GLCCI1: variants seen among roughly 807,000 people sequenced by gnomAD.
GLCCI1 encodes glucocorticoid induced 1.
In GLCCI1, 24 loss-of-function variants were observed where a neutral mutation model predicts 52.2. That is an observed-to-expected ratio of 0.46 (90% CI 0.33 to 0.65). GLCCI1 has a LOEUF of 0.65. Among genes scored for constraint, GLCCI1 ranks in the 30% least tolerant of loss-of-function variants. The pLI is 0.02. For missense variants in GLCCI1, 704 were observed against 701.5 expected (o/e 1.00, Z -0.04); for synonymous variants, 310 against 276.5 (o/e 1.12, Z -1.20).
At chr7:7,975,512 T>C (rs1430497933) in intron 1 of GLCCI1, among the ~76,000 whole-genome samples, 1 of 152,218 alleles carries the variant, frequency 6.6e-6, no homozygotes, top group East Asian at 1.9e-4. Context: ...GTTCATTCCA[T>C]AAGACTATGC....
chr7:8,029,178 A>G (rs1240930523), intron 3 of GLCCI1, among the ~76,000 whole-genome samples: 1 of 152,198 alleles, frequency 6.6e-6, no homozygotes, highest in Non-Finnish European at 1.5e-5. Context: ...AATTTATCTG[A>G]TGAATATGGA....
At chr7:7,982,244 G>T in intron 1 of GLCCI1, 1 of 235,330 alleles carries the variant, frequency 4.2e-6, no homozygotes, top group Non-Finnish European at 8.7e-6. Context: ...AGATGAAGAG[G>T]CAGAATTGAG....
intron 1 of GLCCI1, among the ~76,000 whole-genome samples, chr7:7,987,587 G>A (rs1780760412): frequency 6.6e-6 from 1 of 152,004 alleles, no homozygotes; most frequent in African/African-American, 2.4e-5. Context: ...TGAGTTGACA[G>A]TCATTTATTG....
At chr7:8,024,493 C>T (rs1036700602) in intron 3 of GLCCI1, among the ~76,000 whole-genome samples, 31 of 152,188 alleles carry the variant, frequency 2.0e-4, no homozygotes, top group Admixed American at 1.4e-3. Flanking sequence ...GAGTTATCAA[C>T]GAGATTTAGG....
Position 8,086,531 on chromosome 7 carries a change from T to G in GLCCI1, c.1637T>G (p.Ile546Ser), listed in dbSNP as rs770556193. ...CACATCTCTGCTCAGAACTATGTGA[T>G]CATCTAAAAAAGGGGGAGCTGGCCT... is the stretch of plus-strand genomic sequence containing the variant. ...EDHISAQNYV[I>S]I The change falls in exon 8 of 8, where the codon ATC becomes AGC. Residue 546 changes from isoleucine to serine, a missense_variant. Physicochemically the swap from Ile to Ser is moderately radical, Grantham distance 142. Transcript: ENST00000223145. This position sits in a 1 kb window ranked among gnomAD's most constrained non-coding sequence, Gnocchi z 4.4. 6.3e-7 allele frequency: 1 copy of G among 1,580,436 alleles called. No individual in the cohort carries two copies. The highest frequency in any genetic ancestry group is 2.2e-5 in the East Asian group (1 of 44,570).
intron 1 of GLCCI1, among the ~76,000 whole-genome samples, chr7:7,973,409 TGTGC>T (rs563751287): frequency 7.6e-6 from 1 of 131,196 alleles, no homozygotes; most frequent in African/African-American, 3.4e-5. Context: ...CAAATCTTTG[TGTGC>T]GTGTGTGTGT....
intron 1 of GLCCI1, among the ~76,000 whole-genome samples, chr7:7,986,400 C>T (rs1163239309): frequency 6.6e-6 from 1 of 151,874 alleles, no homozygotes; most frequent in Non-Finnish European, 1.5e-5. Flanking sequence ...TGGCAGGCAC[C>T]TGTAGTCCCA....
At chr7:8,017,651 A>G (rs1266052914) in intron 2 of GLCCI1, among the ~76,000 whole-genome samples, 1 of 152,162 alleles carries the variant, frequency 6.6e-6, no homozygotes, top group African/African-American at 2.4e-5. Flanking sequence ...AAAAAATTTG[A>G]ATATGTAAGT....
chr7:7,995,986 C>T (rs1780930667), intron 1 of GLCCI1, among the ~76,000 whole-genome samples: 2 of 151,648 alleles, frequency 1.3e-5, no homozygotes, highest in African/African-American at 2.4e-5. Flanking sequence ...TGTTGTTGTG[C>T]TCTTGTTAAA....
chr7:7,997,133 A>G (rs1780952592), intron 1 of GLCCI1, among the ~76,000 whole-genome samples: 1 of 152,188 alleles, frequency 6.6e-6, no homozygotes, highest in Non-Finnish European at 1.5e-5. Flanking sequence ...ATAAATATTA[A>G]TGTACATTAG....
rs751659031 is a variant in GLCCI1 at position 8,070,969 on chromosome 7, C to G, written c.1015C>G (p.Arg339Gly). The change falls in exon 6 of 8, where the codon CGG (arginine) becomes GGG (glycine). Residue 339 changes from arginine to glycine, a missense_variant. Arg to Gly is a moderately radical substitution (Grantham distance 125). Coordinates refer to ENST00000223145, the MANE Select transcript of GLCCI1 (RefSeq NM_138426.4). Reference protein sequence around the residue: ...GRRAPLPAHYRSSSTRSIDTQ... With the variant: ...GRRAPLPAHYGSSSTRSIDTQ... ...AAGAGCTCCACTTCCTGCTCATTACCGGAGCAGTAGTACTCGCAGCATTGA... is the reference window on the plus strand; with the variant it reads ...AAGAGCTCCACTTCCTGCTCATTACGGGAGCAGTAGTACTCGCAGCATTGA... 4 of 1,614,014 alleles carry G rather than the reference C, an allele frequency of 2.5e-6. No homozygotes were observed. The highest frequency in any genetic ancestry group is 1.1e-5 in the South Asian group (1 of 91,086).
chr7:8,032,966 A>G (rs1191640191), intron 3 of GLCCI1, among the ~76,000 whole-genome samples: 1 of 151,960 alleles, frequency 6.6e-6, no homozygotes, highest in South Asian at 2.1e-4. Flanking sequence ...ATAAAACAAG[A>G]TGAATATCCA....
rs575460633 is a variant in GLCCI1 at position 7,968,980 on chromosome 7, TGAG to T, written c.-367_-365del. The T allele has an allele frequency of 9.0e-5, 14 of 155,594 alleles. No homozygotes were observed. In the East Asian group the frequency reaches 1.1e-3, roughly 13 times the overall value. 9.6% of individuals were successfully genotyped at this position (155,594 alleles called of 1,614,324 possible). A position where few individuals can be genotyped will look rare whatever the true frequency, so the allele number is the denominator to read the frequency against. The stretch of plus-strand genomic sequence containing the variant: ...CCCGTGCGTGCAGCCCTGCGAGGGC[TGAG>T]GAGAAGGCTGCGAGCGGCCCTCGGG... On this transcript the variant is annotated 5_prime_UTR_variant, in exon 1 of 8. Coordinates refer to ENST00000223145, the MANE Select transcript of GLCCI1 (RefSeq NM_138426.4).
At chr7:8,005,716 G>C (rs1164755137) in intron 2 of GLCCI1, among the ~76,000 whole-genome samples, 1 of 152,066 alleles carries the variant, frequency 6.6e-6, no homozygotes, top group East Asian at 1.9e-4. Context: ...ATTCTTTTTA[G>C]ATTACCAAAC....
intron 3 of GLCCI1, among the ~76,000 whole-genome samples, chr7:8,035,801 C>G (rs1781854471): frequency 6.6e-6 from 1 of 152,192 alleles, no homozygotes; most frequent in Admixed American, 6.5e-5. Flanking sequence ...TTCCTGCCTG[C>G]CTAGGTATGG....
intron 4 of GLCCI1, among the ~76,000 whole-genome samples, chr7:8,058,645 T>C (rs1358418853): frequency 6.6e-6 from 1 of 152,184 alleles, no homozygotes; most frequent in Non-Finnish European, 1.5e-5. Flanking sequence ...AAGTAAATCA[T>C]GATAGGTTAA....
intron 2 of GLCCI1, among the ~76,000 whole-genome samples, chr7:8,006,974 TTG>T (rs1781164506): frequency 6.6e-6 from 1 of 151,470 alleles, no homozygotes; most frequent in South Asian, 2.1e-4. Flanking sequence ...CTACTGCTGT[TTG>T]TTCAGGAAAT....
At position 8,086,614 on chromosome 7, in the gene GLCCI1, C is replaced by T. The variant is rs1189303005; in HGVS notation, c.*76C>T. The T allele has an allele frequency of 4.5e-6, 5 of 1,104,724 alleles. No individual in the cohort carries two copies. The African/African-American group carries it at 7.9e-5, about 17-fold the overall frequency. 68.4% of individuals were successfully genotyped at this position (1,104,724 alleles called of 1,614,324 possible). A position where few individuals can be genotyped will look rare whatever the true frequency, so the allele number is the denominator to read the frequency against. On this transcript the variant is annotated 3_prime_UTR_variant, in exon 8 of 8. Transcript: ENST00000223145. The surrounding 1 kb of genome is among the most constrained non-coding windows in gnomAD (Gnocchi z 4.4). ...TTCAGACATCTGCATGAGTGACAAA[C>T]TTTCTGAACACCACCACCACCAATA...
chr7:8,018,213 G>C lies in GLCCI1; in HGVS notation c.610-4270G>C, dbSNP rs111695962. Among the ~76,000 whole-genome samples, 4 of 152,114 alleles carry C rather than the reference G, an allele frequency of 2.6e-5. 1 individual carries two copies. Among genetic ancestry groups the C allele is most frequent in the African/African-American group, 9.6e-5 (4 of 41,540 alleles). On this transcript the variant is annotated intron_variant, in intron 2 of 7. Coordinates refer to ENST00000223145, the MANE Select transcript of GLCCI1 (RefSeq NM_138426.4). ...AACTACAATAAATTTTAAGACCAGT[G>C]ATGAACCACATAAAATAGATTTTTT...
Sources: gnomAD v4.1 joint callset for allele counts (sites outside exome capture counted in the v4.1 genomes callset) on GRCh38, gnomAD v4.1.1 for gene constraint, Gnocchi (gnomAD v3.1) non-coding constraint, MANE v1.5 for transcripts, NCBI Gene and HGNC (gene_info 2026-07-23, HGNC 2026-07-21) for gene names.